The following PHACTR1 variants were observed in gnomAD, a reference collection of about 807,000 sequenced individuals.
PHACTR1 encodes the protein RPEL repeat containing 1.
Under a neutral mutation model 69.2 loss-of-function variants are expected in PHACTR1, and 16 were observed. The observed-to-expected ratio is 0.23, with a 90% CI of 0.16 to 0.35. The LOEUF is 0.35. Among genes scored for constraint, PHACTR1 ranks in the 10% least tolerant of loss-of-function variants. The probability of loss-of-function intolerance (pLI) is 1.00; values close to 1 mark genes in which losing one functional copy is unlikely to be tolerated. For missense variants in PHACTR1, 510 were observed against 734.7 expected (o/e 0.69, Z 3.54); for synonymous variants, 312 against 284.5 (o/e 1.10, Z -0.97).
chr6:13,272,609 TG>T, intron 10 of PHACTR1: 1 of 1,113,204 alleles, frequency 9.0e-7, no homozygotes, highest in Non-Finnish European at 1.2e-6. Context: ...CTGGAGGAGA[TG>T]GGGCTGGGGA....
rs978954618 is a variant in PHACTR1, at chr6:12,847,430, A to T, written c.250+97640A>T. Among the ~76,000 whole-genome samples the T allele has an allele frequency of 2.6e-5, 4 of 152,214 alleles. No individual in the cohort carries two copies. The East Asian group carries it at 7.7e-4, about 29-fold the overall frequency. ...CTAAAGGTCTTTGAGTAGTCAACTT[A>T]TATGACACAAAGCTCATTTATCTTA... On this transcript the variant is annotated intron_variant, in intron 4 of 14. Transcript: ENST00000332995.
chr6:13,197,225 C>G (rs1764565081), intron 7 of PHACTR1, among the ~76,000 whole-genome samples: 1 of 152,170 alleles, frequency 6.6e-6, no homozygotes, highest in Non-Finnish European at 1.5e-5. Context: ...TATACTCAGG[C>G]CTTCTGCTGA....
chr6:12,988,862 G>A (rs1796493108), intron 4 of PHACTR1, among the ~76,000 whole-genome samples: 1 of 152,232 alleles, frequency 6.6e-6, no homozygotes, highest in East Asian at 1.9e-4. Flanking sequence ...AGTTTTGAGA[G>A]GATCAAACAG....
rs111802198 is a variant in PHACTR1 at position 12,929,957 on chromosome 6, A to G, written c.251-123408A>G. 8.5e-3 allele frequency among the ~76,000 whole-genome samples: 1,295 copies of G among 152,186 alleles called. 4 individuals are homozygous for G. Among genetic ancestry groups the G allele is most frequent in the Middle Eastern group, 0.02 (6 of 294 alleles). On this transcript the variant is annotated intron_variant, in intron 4 of 14. Coordinates refer to ENST00000332995, the MANE Select transcript of PHACTR1 (RefSeq NM_030948.6). ...GCTATTGTCTACAGAATTTTTTTGC[A>G]CCACTTTTTTTAAAAATAAAATATT...
chr6:13,125,126 G>A (rs536229462), intron 5 of PHACTR1, among the ~76,000 whole-genome samples: 1 of 152,296 alleles, frequency 6.6e-6, no homozygotes, highest in South Asian at 2.1e-4. Flanking sequence ...TTTCACGGCT[G>A]GGAAGCAGGT....
intron 5 of PHACTR1, among the ~76,000 whole-genome samples, chr6:13,056,601 C>T (rs2127742249): frequency 6.6e-6 from 1 of 152,208 alleles, no homozygotes; most frequent in African/African-American, 2.4e-5. Context: ...TTATTCAACA[C>T]CACTGAAAGA....
chr6:12,743,199 A>G (rs1275209219), intron 3 of PHACTR1, among the ~76,000 whole-genome samples: 2 of 151,866 alleles, frequency 1.3e-5, no homozygotes, highest in South Asian at 4.2e-4. Context: ...GAAAAAAAAA[A>G]AAAAAACAAA....
intron 4 of PHACTR1, among the ~76,000 whole-genome samples, chr6:12,982,864 C>T (rs960247891): frequency 6.6e-6 from 1 of 152,180 alleles, no homozygotes; most frequent in East Asian, 1.9e-4. Flanking sequence ...ACTTTTCTAG[C>T]TATAACTAAT....
chr6:13,254,585 C>G (rs1411807628), intron 10 of PHACTR1, among the ~76,000 whole-genome samples: 2 of 152,228 alleles, frequency 1.3e-5, no homozygotes, highest in Non-Finnish European at 2.9e-5. Context: ...GGAAGACGTT[C>G]TCTATCATGA....
At chr6:13,017,420 C>A (rs1800354710) in intron 4 of PHACTR1, among the ~76,000 whole-genome samples, 1 of 152,064 alleles carries the variant, frequency 6.6e-6, no homozygotes, top group Non-Finnish European at 1.5e-5. Flanking sequence ...GCAGAATTTT[C>A]TGCTGCATTT....
In PHACTR1 at chr6:12,883,511, G is replaced by A. The variant is rs1471836548; in HGVS notation, c.250+133721G>A. On this transcript the variant is annotated intron_variant, in intron 4 of 14. Coordinates refer to ENST00000332995, the MANE Select transcript of PHACTR1 (RefSeq NM_030948.6). Reference sequence around the variant, plus strand: ...ATTACAGGTGTGAGCCACCGTGCCCGTCCAAGCTTTTTTTTTTTTTTAAAG... The same window carrying A: ...ATTACAGGTGTGAGCCACCGTGCCCATCCAAGCTTTTTTTTTTTTTTAAAG... Among the ~76,000 whole-genome samples the A allele has an allele frequency of 3.3e-5, 5 of 150,888 alleles. No individual in the cohort carries two copies. In the East Asian group the frequency reaches 5.8e-4, roughly 18 times the overall value.
intron 3 of PHACTR1, among the ~76,000 whole-genome samples, chr6:12,726,329 C>G (rs1762792811): frequency 6.6e-6 from 1 of 152,152 alleles, no homozygotes. Context: ...ACACCCAACT[C>G]TTACTACGGT....
At chr6:12,732,559 G>A (rs1274615773) in intron 3 of PHACTR1, among the ~76,000 whole-genome samples, 1 of 151,960 alleles carries the variant, frequency 6.6e-6, no homozygotes, top group East Asian at 1.9e-4. Context: ...TCTCACTCAT[G>A]AGTAAGAACG....
At chr6:13,244,649 A>G (rs1450235770) in intron 10 of PHACTR1, among the ~76,000 whole-genome samples, 1 of 152,232 alleles carries the variant, frequency 6.6e-6, no homozygotes, top group Non-Finnish European at 1.5e-5. Flanking sequence ...GAAGAGAAAT[A>G]TGGCTCTGTT....
intron 5 of PHACTR1, among the ~76,000 whole-genome samples, chr6:13,057,883 G>A (rs1393486668): frequency 1.3e-5 from 2 of 152,150 alleles, no homozygotes; most frequent in Non-Finnish European, 1.5e-5. Context: ...TAAGACCCAG[G>A]GGCTGAGCTC....
At chr6:12,934,207 T>G (rs920292058) in intron 4 of PHACTR1, among the ~76,000 whole-genome samples, 14 of 152,222 alleles carry the variant, frequency 9.2e-5, no homozygotes, top group Admixed American at 6.5e-5. Flanking sequence ...TGTCTCTCTC[T>G]ATGTGTTCAC....
At chr6:12,946,150 G>C (rs995430636) in intron 4 of PHACTR1, among the ~76,000 whole-genome samples, 1 of 151,618 alleles carries the variant, frequency 6.6e-6, no homozygotes, top group African/African-American at 2.4e-5. Flanking sequence ...AAAAGATAAA[G>C]AATAAAGAAA....
chr6:13,237,009 A>G (rs1366892961), intron 10 of PHACTR1, among the ~76,000 whole-genome samples: 1 of 152,192 alleles, frequency 6.6e-6, no homozygotes, highest in African/African-American at 2.4e-5. Flanking sequence ...GTTGTTTTGC[A>G]AAAATGAAGG....
chr6:13,116,583 G>A (rs1243191763), intron 5 of PHACTR1, among the ~76,000 whole-genome samples: 4 of 152,158 alleles, frequency 2.6e-5, no homozygotes, highest in Admixed American at 2.6e-4. Flanking sequence ...GCTCTTCTGG[G>A]GAACTGGCAG....
Sources: allele counts gnomAD v4.1 joint callset (sites outside exome capture counted in the v4.1 genomes callset), GRCh38; gene constraint gnomAD v4.1.1; transcripts MANE v1.5; gene names NCBI Gene and HGNC (gene_info 2026-07-23, HGNC 2026-07-21).